The following MYO7A variants were observed in gnomAD, a reference collection of about 807,000 sequenced individuals.
MYO7A encodes the protein unconventional myosin-VIIa.
A neutral mutation model predicts 263.8 loss-of-function variants in MYO7A; 210 were observed. The ratio of observed to expected loss-of-function variants is 0.80; its 90% CI spans 0.71 to 0.89. The LOEUF is 0.89. Among genes scored for constraint, MYO7A ranks in the 40% least tolerant of loss-of-function variants. The pLI, the probability that MYO7A is intolerant of heterozygous loss-of-function variation, is 0.00. For synonymous variants in MYO7A, 1,239 were observed against 1,197.3 expected, an observed-to-expected ratio of 1.03 and a Z score of -0.72; for missense variants, 2,820 against 2,968.3, an observed-to-expected ratio of 0.95 and a Z score of 1.16.
Position 77,190,778 on chromosome 11 carries a change from A to G in MYO7A, c.3832A>G (p.Thr1278Ala). Residue 1278 changes from threonine to alanine, a missense_variant, in exon 30 of 49, where the codon ACC (threonine) becomes GCC (alanine). Coordinates refer to ENST00000409709, the MANE Select transcript of MYO7A (RefSeq NM_000260.4). ...CAAGACCCTGCTGACGGACTCGGCAACCACGGCCAAGGAGCTCTGCAACGC... is the reference window on the plus strand; with the variant it reads ...CAAGACCCTGCTGACGGACTCGGCAGCCACGGCCAAGGAGCTCTGCAACGC... ...TTKTLLTDSA[T>A]TAKELCNALA... 6.3e-7 allele frequency: 1 copy of G among 1,597,344 alleles called. No individual in the cohort carries two copies. The highest frequency in any genetic ancestry group is 8.5e-7 in the Non-Finnish European group (1 of 1,172,442).
chr11:77,181,779 G>GTTTTTTTTT (rs782689084), intron 23 of MYO7A, among the ~76,000 whole-genome samples, 172 bp from the exon 24 acceptor site: 4 of 90,052 alleles, frequency 4.4e-5, no homozygotes, highest in East Asian at 3.6e-4. Flanking sequence ...TTTTTTTTTT[G>GTTTTTTTTT]TTTTTTTTTT....
intron 41 of MYO7A, 70 bp from the exon 42 acceptor site, chr11:77,207,219 C>T: frequency 8.8e-7 from 1 of 1,132,760 alleles, no homozygotes; most frequent in Non-Finnish European, 1.3e-6. Flanking sequence ...GAGGCATAGC[C>T]AGAGGGGCCC....
At chr11:77,205,145 T>G (rs1381831960) in intron 39 of MYO7A, among the ~76,000 whole-genome samples, 1 of 152,182 alleles carries the variant, frequency 6.6e-6, no homozygotes, top group Non-Finnish European at 1.5e-5. Context: ...ACAAAAAGCC[T>G]CAGCTGAAGC....
chr11:77,141,525 C>CA (rs34247789), intron 2 of MYO7A, among the ~76,000 whole-genome samples: 66,528 of 151,840 alleles, frequency 0.44, 16,328 homozygotes, highest in East Asian at 0.7. Flanking sequence ...GAGTACCACC[C>CA]AAAAAAGAAT....
At chr11:77,188,524 T>G (rs1955800269) in intron 27 of MYO7A, among the ~76,000 whole-genome samples, 1 of 152,190 alleles carries the variant, frequency 6.6e-6, no homozygotes, top group Non-Finnish European at 1.5e-5. Flanking sequence ...CAGCAGTGAG[T>G]GCCCCCTGGC....
In MYO7A at chr11:77,174,814, T is replaced by A; in HGVS notation, c.1994T>A (p.Ile665Asn). The A allele has an allele frequency of 6.2e-7, 1 of 1,612,878 alleles. No homozygotes were observed. The highest frequency in any genetic ancestry group is 1.7e-5 in the Admixed American group (1 of 59,936). ...QLRYSGMMET[I>N]RIRRAGYPIR... ...CGGTACTCAGGAATGATGGAGACCATCCGAATCCGCCGAGCTGGCTACCCC... is the reference window on the plus strand; with the variant it reads ...CGGTACTCAGGAATGATGGAGACCAACCGAATCCGCCGAGCTGGCTACCCC... The change falls in exon 17 of 49, where the codon ATC becomes AAC. Residue 665 changes from isoleucine (I) to asparagine (N), a missense_variant. Physicochemically the swap from Ile to Asn is moderately radical, Grantham distance 149 (BLOSUM62 -3). Transcript: ENST00000409709.
At position 77,176,146 on chromosome 11, in the gene MYO7A, G is replaced by C. The variant is rs372507924; in HGVS notation, c.2187+682G>C. 1.1e-4 allele frequency among the ~76,000 whole-genome samples: 16 copies of C among 152,330 alleles called. No individual in the cohort carries two copies. The East Asian group carries it at 2.1e-3, about 20-fold the overall frequency. ...ATGACAGGGCTCCTTCCTCTGGTGTGGGGGGTGGGGCCTGGGCACTCCAAG... is the reference window on the plus strand; with the variant it reads ...ATGACAGGGCTCCTTCCTCTGGTGTCGGGGGTGGGGCCTGGGCACTCCAAG... On this transcript the variant is annotated intron_variant, in intron 18 of 48. Coordinates refer to ENST00000409709, the MANE Select transcript of MYO7A (RefSeq NM_000260.4).
intron 15 of MYO7A, among the ~76,000 whole-genome samples, chr11:77,168,396 C>G (rs1953761658): frequency 1.3e-5 from 2 of 152,194 alleles, no homozygotes; most frequent in South Asian, 4.1e-4. Flanking sequence ...TACTGGGCAC[C>G]TCTTCTGAGC....
At chr11:77,151,099 G>A (rs1450689850) in intron 4 of MYO7A, among the ~76,000 whole-genome samples, 1 of 152,210 alleles carries the variant, frequency 6.6e-6, no homozygotes, top group Non-Finnish European at 1.5e-5. Context: ...GCCTGAGAGA[G>A]CATCCCAGGG....
At position 77,193,062 on chromosome 11, in the gene MYO7A, TGGTGATGGTGGAGGTA is replaced by T. The variant is rs1956292998; in HGVS notation, c.4152+786_4152+801del. On this transcript the variant is annotated intron_variant, in intron 31 of 48. Coordinates refer to ENST00000409709, the MANE Select transcript of MYO7A (RefSeq NM_000260.4). ...GTGATGGTGGAGGTGGTGATGGTGT[TGGTGATGGTGGAGGTA>T]GTTGTTTGTGATGGTGGAGGTAGTG... Among the ~76,000 whole-genome samples the T allele has an allele frequency of 5.9e-5, 6 of 101,352 alleles. 1 individual carries two copies. The highest frequency in any genetic ancestry group is 1.4e-4 in the Non-Finnish European group (6 of 44,108). The allele number at this position is 101,352 out of a possible 152,430, so 66.5% of individuals were successfully genotyped here.
chr11:77,178,960 C>T (rs1954915177), intron 19 of MYO7A, 85 bp from the exon 20 acceptor site: 8 of 1,051,600 alleles, frequency 7.6e-6, no homozygotes, highest in Admixed American at 4.0e-5. Context: ...AGAGCTGGGA[C>T]TCAGCGTGCC....
At chr11:77,183,222 C>G (rs1955406109) in intron 26 of MYO7A, 65 bp downstream of exon 26, 1 of 1,363,892 alleles carries the variant, frequency 7.3e-7, no homozygotes, top group African/African-American at 1.4e-5. Flanking sequence ...TAGGCTGGAG[C>G]ACAGCTGAGC....
Position 77,203,324 on chromosome 11 carries a change from G to A in MYO7A, c.5326+107G>A, listed in dbSNP as rs547208900. On this transcript the variant is annotated intron_variant, in intron 38 of 48. Transcript: ENST00000409709. ...CCTGCTGCGACCCGGGCACACATGG[G>A]GAGGGTTGATGGAGTACCCCCTCCC... The A allele has an allele frequency of 5.0e-5, 66 of 1,324,850 alleles. No homozygotes were observed. In the African/African-American group the frequency reaches 8.2e-4, roughly 16 times the overall value. The allele number at this position is 1,324,850 out of a possible 1,614,324, so 82.1% of individuals were successfully genotyped here. A position where few individuals can be genotyped will look rare whatever the true frequency, so the allele number is the denominator to read the frequency against.
intron 31 of MYO7A, among the ~76,000 whole-genome samples, chr11:77,192,933 T>TGA (rs1956240678): frequency 5.9e-4 from 2 of 3,400 alleles, no homozygotes; most frequent in African/African-American, 2.9e-3. Context: ...ATGGTGTTGT[T>TGA]TGTGATGGTG....
intron 4 of MYO7A, among the ~76,000 whole-genome samples, chr11:77,155,464 A>G (rs529453704): frequency 4.6e-5 from 7 of 152,182 alleles, no homozygotes; most frequent in African/African-American, 1.4e-4. Context: ...TTCCTCACCA[A>G]CCTGGCCTCC....
intron 23 of MYO7A, 103 bp from the exon 24 acceptor site, chr11:77,181,848 G>C: frequency 4.2e-6 from 4 of 952,794 alleles, no homozygotes; most frequent in Non-Finnish European, 6.3e-6. Flanking sequence ...GCAGTAGCGT[G>C]ATCACAGCTC....
chr11:77,180,503 A>C (rs1180587021), intron 22 of MYO7A, 22 bp downstream of exon 22: 8 of 1,596,444 alleles, frequency 5.0e-6, no homozygotes, highest in Non-Finnish European at 6.8e-6. Flanking sequence ...GCCTCCAGGC[A>C]CCTTAGGTGT....
chr11:77,196,144 G>A (rs756253534), intron 32 of MYO7A, among the ~76,000 whole-genome samples: 3 of 152,254 alleles, frequency 2.0e-5, no homozygotes, highest in Non-Finnish European at 4.4e-5. Context: ...CAAGGCGGGC[G>A]GATCATGAGG....
At chr11:77,152,064 G>T (rs986750997) in intron 4 of MYO7A, among the ~76,000 whole-genome samples, 1 of 152,218 alleles carries the variant, frequency 6.6e-6, no homozygotes, top group African/African-American at 2.4e-5. Flanking sequence ...GAAGTAAAAG[G>T]GGTGATGGGG....
Sources: gnomAD v4.1 joint callset for allele counts (sites outside exome capture counted in the v4.1 genomes callset) on GRCh38, gnomAD v4.1.1 for gene constraint, MANE v1.5 for transcripts, NCBI Gene and HGNC (gene_info 2026-07-23, HGNC 2026-07-21) for gene names.